The following MMP28 variants were observed in gnomAD, a reference collection of about 807,000 sequenced individuals.
MMP28 encodes matrix metallopeptidase 28.
MMP28 carries 55 observed loss-of-function variants against 60.5 expected under a neutral mutation model. The observed-to-expected ratio is 0.91, with a 90% CI of 0.73 to 1.14. The LOEUF is 1.14. Among genes scored for constraint, MMP28 ranks in the 50% most tolerant of loss-of-function variants. The pLI is 0.00. For synonymous variants in MMP28, 318 were observed against 312.5 expected (o/e 1.02, Z -0.18); for missense variants, 686 against 738.3 (o/e 0.93, Z 0.82).
At chr17:35,773,668 G>A (rs2086240700) in intron 3 of MMP28, among the ~76,000 whole-genome samples, 1 of 152,208 alleles carries the variant, frequency 6.6e-6, no homozygotes, top group Non-Finnish European at 1.5e-5. Flanking sequence ...CAGTGTGTTG[G>A]AGGGGAAGCA....
chr17:35,768,342 T>C lies in MMP28; in HGVS notation c.888A>G (p.Pro296=). 6.2e-7 allele frequency: 1 copy of C among 1,612,710 alleles called. No homozygotes were observed. Among genetic ancestry groups the C allele is most frequent in the Non-Finnish European group, 8.5e-7 (1 of 1,179,360 alleles). ...TCTCAAAGTCAGTGAACAGCTTTCC[T>C]GGGAGCTGGACGGCCACTGAGCCCC... is the stretch of plus-strand genomic sequence containing the variant. ...PLGGSVAVQL[P]GKLFTDFETW... is the part of the protein sequence containing the mutation. Residue 296 remains proline (P), a synonymous_variant, in exon 6 of 8, where the codon CCA becomes CCG. Transcript: ENST00000605424.
chr17:35,791,139 C>T (rs2086803916), intron 1 of MMP28, among the ~76,000 whole-genome samples: 1 of 151,410 alleles, frequency 6.6e-6, no homozygotes, highest in Non-Finnish European at 1.5e-5. Context: ...CAACTTATGG[C>T]CATAAGGGGG....
At position 35,773,179 on chromosome 17, in the gene MMP28, C is replaced by T. The variant is rs1555606332; in HGVS notation, c.604+1G>A. 1 of 1,613,164 alleles carries T rather than the reference C, an allele frequency of 6.2e-7. No individual in the cohort carries two copies. The highest frequency in any genetic ancestry group is 1.7e-5 in the Admixed American group (1 of 59,948). ...GCGGGAGGGAGGCTTTGTGCCAGCA[C>T]CTGGGCCATCAAAGGCATTGCCCAG... On this transcript the variant is annotated splice_donor_variant, in intron 4 of 7. Coordinates refer to ENST00000605424, the MANE Select transcript of MMP28 (RefSeq NM_024302.5). LOFTEE classifies it high-confidence loss of function.
chr17:35,763,198 C>G (rs1341371424), downstream of MMP28, among the ~76,000 whole-genome samples: 3 of 151,958 alleles, frequency 2.0e-5, no homozygotes, highest in African/African-American at 7.3e-5. Flanking sequence ...TTTAGGGAGA[C>G]CTAGGCAGGA....
chr17:35,764,685 C>T, downstream of MMP28: 1 of 1,471,314 alleles, frequency 6.8e-7, no homozygotes, highest in Non-Finnish European at 9.0e-7. Context: ...CCGACCTTCT[C>T]TCTTGGAGCG....
chr17:35,773,539 C>T (rs2086236200), intron 3 of MMP28, 135 bp from the exon 4 acceptor site: 1 of 773,330 alleles, frequency 1.3e-6, no homozygotes, highest in Non-Finnish European at 2.0e-6. Flanking sequence ...CAGTTTTTGC[C>T]CTGGGCAGCT....
intron 3 of MMP28, among the ~76,000 whole-genome samples, chr17:35,776,532 C>T (rs564483832): frequency 7.9e-5 from 12 of 152,198 alleles, no homozygotes; most frequent in Non-Finnish European, 1.6e-4. Flanking sequence ...ATCTGAAATT[C>T]AAATTTAACT....
At chr17:35,764,529 A>C (rs1192703901), downstream of MMP28, 6 of 1,599,928 alleles carry the variant, frequency 3.8e-6, no homozygotes, top group Middle Eastern at 2.2e-4. Flanking sequence ...CAAGAAATGC[A>C]GGAGTCTGCA....
In MMP28 at chr17:35,770,792, A is replaced by G. The variant is rs151224418; in HGVS notation, c.605-480T>C. Reference sequence around the variant, plus strand: ...CAGCAGGGTGTGGTAGCTCACGCCTATAATCTCAGCACTTTGGGAGGCTGA... The same window carrying G: ...CAGCAGGGTGTGGTAGCTCACGCCTGTAATCTCAGCACTTTGGGAGGCTGA... On this transcript the variant is annotated intron_variant, in intron 4 of 7. Coordinates refer to ENST00000605424, the MANE Select transcript of MMP28 (RefSeq NM_024302.5). Among the ~76,000 whole-genome samples, 372 of 152,020 alleles carry G rather than the reference A, an allele frequency of 2.4e-3. 1 individual carries two copies. Among genetic ancestry groups the G allele is most frequent in the African/African-American group, 8.6e-3 (356 of 41,438 alleles).
chr17:35,764,062 G>A (rs1555602093), downstream of MMP28: 9 of 1,549,860 alleles, frequency 5.8e-6, no homozygotes, highest in Admixed American at 3.9e-5. Flanking sequence ...CCGAGGACGC[G>A]GAGCAAGAGG....
At chr17:35,780,067 A>T (rs1055652311) in intron 1 of MMP28, among the ~76,000 whole-genome samples, 6 of 151,906 alleles carry the variant, frequency 3.9e-5, no homozygotes, top group African/African-American at 4.8e-5. Flanking sequence ...TTATTTATTT[A>T]TTTTATTTAT....
At chr17:35,764,734 C>A, downstream of MMP28, 1 of 1,199,812 alleles carries the variant, frequency 8.3e-7, no homozygotes, top group Non-Finnish European at 1.1e-6. Context: ...ACCGCCCCTT[C>A]TCAGCTGCTG....
intron 1 of MMP28, among the ~76,000 whole-genome samples, chr17:35,787,899 CTTTTTTTTT>C (rs532350874): frequency 0.021 from 2,180 of 104,446 alleles, 54 homozygotes; most frequent in African/African-American, 0.078. Flanking sequence ...TTTTCTTTCC[CTTTTTTTTT>C]TTTTTTTTTT....
intron 3 of MMP28, among the ~76,000 whole-genome samples, chr17:35,774,027 C>T (rs897284317): frequency 6.6e-6 from 1 of 152,246 alleles, no homozygotes; most frequent in Admixed American, 6.5e-5. Flanking sequence ...CTCGCTTCCT[C>T]AGGGACTCTG....
chr17:35,771,696 A>AATATAT (rs71366482), intron 4 of MMP28, among the ~76,000 whole-genome samples: 37 of 50,576 alleles, frequency 7.3e-4, no homozygotes, highest in Non-Finnish European at 9.3e-4. Flanking sequence ...TATAGAAGTG[A>AATATAT]ATATATATAT....
At chr17:35,757,151 A>AAAATAAATAAATAAATAAAT (rs58444290) in intron 2 of MMP28, 4 of 151,304 alleles carry the variant, frequency 2.6e-5, no homozygotes, top group African/African-American at 9.7e-5. Flanking sequence ...ACTCTGTCTC[A>AAAATAAATAAATAAATAAAT]AAATAAATAA....
At chr17:35,794,169 GAGA>G (rs1441633439) in intron 1 of MMP28, among the ~76,000 whole-genome samples, 3 of 151,894 alleles carry the variant, frequency 2.0e-5, no homozygotes, top group African/African-American at 7.3e-5. Flanking sequence ...CCGTATTCTT[GAGA>G]AGAAGTAAGA....
At chr17:35,760,772 C>CA in intron 2 of MMP28, 1 of 752,228 alleles carries the variant, frequency 1.3e-6, no homozygotes, top group South Asian at 1.6e-5. Context: ...TTGGGAGGCT[C>CA]TGGAAAAGGA....
downstream of MMP28, chr17:35,764,315 C>G (rs1311796984): frequency 2.0e-6 from 3 of 1,482,474 alleles, no homozygotes; most frequent in Non-Finnish European, 2.7e-6. Flanking sequence ...CCTAACAGCT[C>G]CCACCGACAG....
Sources: gnomAD v4.1 joint callset for allele counts (sites outside exome capture counted in the v4.1 genomes callset) on GRCh38, gnomAD v4.1.1 for gene constraint, MANE v1.5 for transcripts, NCBI Gene and HGNC (gene_info 2026-07-23, HGNC 2026-07-21) for gene names.